Variants in THSD7A observed in about 807,000 individuals in gnomAD.
THSD7A encodes thrombospondin type 1 domain containing 7A.
Under a neutral mutation model 231.3 loss-of-function variants are expected in THSD7A, and 96 were observed. The ratio of observed to expected loss-of-function variants is 0.41; its 90% confidence interval spans 0.35 to 0.49. The LOEUF (loss-of-function observed/expected upper bound fraction) is 0.49. THSD7A is among the 20% of genes least tolerant of loss of function. THSD7A has a pLI of 0.05. For missense variants in THSD7A, 2,290 were observed against 2,070.2 expected (o/e 1.11, Z -2.06); for synonymous variants, 940 against 743.3 (o/e 1.26, Z -4.30).
At chr7:11,751,823 T>G (rs1049483285) in intron 1 of THSD7A, among the ~76,000 whole-genome samples, 1 of 152,056 alleles carries the variant, frequency 6.6e-6, no homozygotes, top group South Asian at 2.1e-4. Context: ...TGGTATTATA[T>G]GAATCGGTCC....
At chr7:11,578,877 C>A (rs905852722) in intron 4 of THSD7A, among the ~76,000 whole-genome samples, 4 of 152,144 alleles carry the variant, frequency 2.6e-5, no homozygotes, top group Non-Finnish European at 5.9e-5. Flanking sequence ...AAAACAGCTT[C>A]CGACACTGAG....
intron 1 of THSD7A, among the ~76,000 whole-genome samples, chr7:11,664,779 A>G (rs1185782001): frequency 6.6e-6 from 1 of 151,972 alleles, no homozygotes; most frequent in Non-Finnish European, 1.5e-5. Context: ...AACACCATTT[A>G]CTGAGACCCC....
In THSD7A at chr7:11,429,064, G is replaced by A; in HGVS notation, c.3126C>T (p.Ser1042=). Reference sequence around the variant, plus strand: ...AGGACTTGCTGCAGCGCGACCAGTTGGACCACTCACTGAGCTTGCAGTCTG... The same window carrying A: ...AGGACTTGCTGCAGCGCGACCAGTTAGACCACTCACTGAGCTTGCAGTCTG... ...CPSDCKLSEW[S]NWSRCSKSCG... Residue 1042 remains serine, a synonymous_variant, in exon 14 of 28, where the codon TCC becomes TCT. Transcript: ENST00000423059. 6.2e-7 allele frequency: 1 copy of A among 1,612,594 alleles called. No homozygotes were observed.
chr7:11,690,236 G>C (rs1340532020), intron 1 of THSD7A, among the ~76,000 whole-genome samples: 1 of 151,766 alleles, frequency 6.6e-6, no homozygotes, highest in Non-Finnish European at 1.5e-5. Flanking sequence ...CTTGGTTCAA[G>C]AGGGTGTCAG....
At chr7:11,596,689 C>G (rs757576272) in intron 2 of THSD7A, among the ~76,000 whole-genome samples, 15 of 152,222 alleles carry the variant, frequency 9.9e-5, no homozygotes, top group Admixed American at 2.0e-4. Context: ...TACCACATCC[C>G]TGTTCGACTC....
At chr7:11,395,262 G>A (rs1192305893) in intron 23 of THSD7A, among the ~76,000 whole-genome samples, 1 of 151,978 alleles carries the variant, frequency 6.6e-6, no homozygotes, top group Non-Finnish European at 1.5e-5. Flanking sequence ...AATGTAACAA[G>A]AACAGCTAAC....
At chr7:11,516,997 G>A (rs1788056970) in intron 6 of THSD7A, among the ~76,000 whole-genome samples, 1 of 152,068 alleles carries the variant, frequency 6.6e-6, no homozygotes, top group Non-Finnish European at 1.5e-5. Context: ...CAAAATAATT[G>A]TATATGTAAT....
intron 2 of THSD7A, among the ~76,000 whole-genome samples, chr7:11,609,652 A>G (rs549994288): frequency 3.9e-5 from 6 of 152,296 alleles, no homozygotes; most frequent in Admixed American, 2.6e-4. Flanking sequence ...GTGAATATTC[A>G]TTAGGATCCT....
chr7:11,772,007 G>A (rs1783245911), intron 1 of THSD7A, among the ~76,000 whole-genome samples: 1 of 152,124 alleles, frequency 6.6e-6, no homozygotes, highest in Non-Finnish European at 1.5e-5. Context: ...TGAAGCAGGT[G>A]CCAGCATTCA....
chr7:11,705,883 C>T (rs1780749538), intron 1 of THSD7A, among the ~76,000 whole-genome samples: 1 of 150,832 alleles, frequency 6.6e-6, no homozygotes, highest in Non-Finnish European at 1.5e-5. Context: ...AAGAAGGCTT[C>T]CAGTTAGCCC....
At chr7:11,439,877 A>G (rs1784748091) in intron 13 of THSD7A, among the ~76,000 whole-genome samples, 1 of 152,104 alleles carries the variant, frequency 6.6e-6, no homozygotes, top group African/African-American at 2.4e-5. Flanking sequence ...AGTTAAGGTA[A>G]TAGATTAAGA....
At chr7:11,440,855 A>T (rs2128293125) in intron 13 of THSD7A, among the ~76,000 whole-genome samples, 1 of 152,236 alleles carries the variant, frequency 6.6e-6, no homozygotes, top group African/African-American at 2.4e-5. Context: ...TTGACAAAGC[A>T]GTAGTAGGGT....
At chr7:11,720,940 G>C (rs760081260) in intron 1 of THSD7A, among the ~76,000 whole-genome samples, 1 of 151,638 alleles carries the variant, frequency 6.6e-6, no homozygotes, top group Admixed American at 6.6e-5. Context: ...TTAGGGCTCT[G>C]TTTAGTCCTC....
At chr7:11,825,608 C>A (rs1785002083) in intron 1 of THSD7A, among the ~76,000 whole-genome samples, 1 of 152,134 alleles carries the variant, frequency 6.6e-6, no homozygotes, top group Admixed American at 6.5e-5. Flanking sequence ...ATTTACTGAA[C>A]TTTTAATATG....
At chr7:11,479,732 T>C (rs1306046409) in intron 7 of THSD7A, among the ~76,000 whole-genome samples, 1 of 152,164 alleles carries the variant, frequency 6.6e-6, no homozygotes, top group Non-Finnish European at 1.5e-5. Context: ...AAAACATGTT[T>C]CAGTGTCCAC....
At chr7:11,549,947 C>T (rs188579120) in intron 4 of THSD7A, among the ~76,000 whole-genome samples, 5 of 152,154 alleles carry the variant, frequency 3.3e-5, no homozygotes, top group Admixed American at 3.3e-4. Context: ...TGCCCACTCT[C>T]ACCACTCCTA....
chr7:11,496,681 AT>A (rs995159715), intron 6 of THSD7A, among the ~76,000 whole-genome samples: 1 of 152,226 alleles, frequency 6.6e-6, no homozygotes. Flanking sequence ...GCTTACACTA[AT>A]TTTTAGAAGC....
intron 6 of THSD7A, among the ~76,000 whole-genome samples, chr7:11,500,076 G>A (rs968193929): frequency 6.6e-6 from 1 of 152,094 alleles, no homozygotes; most frequent in African/African-American, 2.4e-5. Flanking sequence ...AAGAGTAAGA[G>A]AAGGTCACCT....
intron 9 of THSD7A, among the ~76,000 whole-genome samples, chr7:11,466,955 C>G (rs952790162): frequency 1.3e-5 from 2 of 152,092 alleles, no homozygotes; most frequent in African/African-American, 4.8e-5. Context: ...CTCCCCAGCT[C>G]CAGGTCATTC....
Sources: allele counts gnomAD v4.1 joint callset (sites outside exome capture counted in the v4.1 genomes callset), GRCh38; gene constraint gnomAD v4.1.1; transcripts MANE v1.5; gene names NCBI Gene and HGNC (gene_info 2026-07-23, HGNC 2026-07-21).